CCDC146: variants seen among roughly 807,000 people sequenced by gnomAD.
The protein encoded by CCDC146 is coiled-coil domain containing 146.
In CCDC146, 92 loss-of-function variants were observed where a neutral mutation model predicts 119.3. That is an observed-to-expected ratio of 0.77 (90% CI 0.65 to 0.92). The LOEUF is 0.92. Ranked by LOEUF, CCDC146 falls within the 40% of genes least tolerant of loss-of-function variation. The probability of loss-of-function intolerance (pLI) is 0.00; values close to 1 mark genes in which losing one functional copy is unlikely to be tolerated. For synonymous variants in CCDC146, 372 were observed against 371.8 expected (o/e 1.00, Z -0.01); for missense variants, 1,000 against 1,103.0 (o/e 0.91, Z 1.32).
intron 2 of CCDC146, chr7:77,198,865 G>A (rs551459185): frequency 2.5e-6 from 1 of 397,522 alleles, no homozygotes; most frequent in African/African-American, 2.1e-5. Flanking sequence ...ACACCTCATT[G>A]AAGAGACAAG....
chr7:77,214,224 T>G (rs1477261002), intron 2 of CCDC146, among the ~76,000 whole-genome samples: 1 of 152,284 alleles, frequency 6.6e-6, no homozygotes, highest in South Asian at 2.1e-4. Context: ...CAAGCATTTT[T>G]TCATATGATT....
At chr7:77,230,544 G>A (rs1381693492) in intron 2 of CCDC146, among the ~76,000 whole-genome samples, 1 of 151,746 alleles carries the variant, frequency 6.6e-6, no homozygotes, top group East Asian at 1.9e-4. Flanking sequence ...CTTTAAATGT[G>A]TCAGCCACTG....
chr7:77,261,401 C>G (rs1315289668), intron 8 of CCDC146, among the ~76,000 whole-genome samples: 2 of 152,170 alleles, frequency 1.3e-5, no homozygotes, highest in East Asian at 3.8e-4. Context: ...CATTGGTTTG[C>G]TAAGGATAAT....
intron 4 of CCDC146, among the ~76,000 whole-genome samples, chr7:77,247,142 A>T (rs1478216642): frequency 6.6e-6 from 1 of 152,222 alleles, no homozygotes; most frequent in Non-Finnish European, 1.5e-5. Context: ...TAGGATTATA[A>T]TCTTTAAAAA....
rs149324287 is a variant in CCDC146 at position 77,168,509 on chromosome 7, T to C, written c.156+685T>C. On this transcript the variant is annotated intron_variant, in intron 2 of 18. Transcript: ENST00000285871. ...AACATTCTAAGAAATTTGATAGTCA[T>C]AGTAAAAAATAAGTTTAAAAAGTCT... 8.7e-3 allele frequency among the ~76,000 whole-genome samples: 1,322 copies of C among 152,146 alleles called. 67 individuals are homozygous for C. In the East Asian group the frequency reaches 0.14, roughly 16 times the overall value.
chr7:77,260,998 G>C (rs1271404031), intron 8 of CCDC146, among the ~76,000 whole-genome samples: 3 of 151,956 alleles, frequency 2.0e-5, no homozygotes, highest in Non-Finnish European at 4.4e-5. Flanking sequence ...TTATTTTTTT[G>C]GGGGGTGGGG....
chr7:77,281,413 C>T (rs10228274), intron 14 of CCDC146, among the ~76,000 whole-genome samples: 17,159 of 152,200 alleles, frequency 0.11, 1,081 homozygotes, highest in African/African-American at 0.16. Context: ...GCAGTTATAT[C>T]ATTAATCAAT....
At chr7:77,213,018 T>A (rs1792218771) in intron 2 of CCDC146, among the ~76,000 whole-genome samples, 1 of 151,746 alleles carries the variant, frequency 6.6e-6, no homozygotes, top group African/African-American at 2.4e-5. Context: ...TTTTTGTTGT[T>A]GTTCAAGTTT....
At chr7:77,195,999 A>G (rs564418740) in intron 2 of CCDC146, 167 of 346,442 alleles carry the variant, frequency 4.8e-4, no homozygotes, top group Non-Finnish European at 7.8e-4. Context: ...AAGCAATAGA[A>G]AAAGTTTCAA....
chr7:77,185,194 C>CA (rs1308732795), intron 2 of CCDC146, among the ~76,000 whole-genome samples: 1 of 151,936 alleles, frequency 6.6e-6, no homozygotes, highest in Non-Finnish European at 1.5e-5. Context: ...GGGAAGTGTC[C>CA]AGCCCATGGT....
intron 2 of CCDC146, among the ~76,000 whole-genome samples, chr7:77,218,264 T>C (rs1017493539): frequency 6.6e-6 from 1 of 151,116 alleles, no homozygotes; most frequent in Non-Finnish European, 1.5e-5. Context: ...ATAACCTTTG[T>C]AATTTATAAG....
chr7:77,223,959 G>A (rs770639396), intron 2 of CCDC146, among the ~76,000 whole-genome samples: 1 of 152,188 alleles, frequency 6.6e-6, no homozygotes, highest in African/African-American at 2.4e-5. Context: ...ACTTGAAGGA[G>A]CCACAGGTGG....
At chr7:77,191,571 C>T (rs1415985206) in intron 2 of CCDC146, among the ~76,000 whole-genome samples, 2 of 152,092 alleles carry the variant, frequency 1.3e-5, no homozygotes, top group African/African-American at 4.8e-5. Flanking sequence ...AGGAGAGGTG[C>T]CAGGACCCCA....
rs549461193 is a variant in CCDC146, at chr7:77,173,117, A to G, written c.156+5293A>G. On this transcript the variant is annotated intron_variant, in intron 2 of 18. Coordinates refer to ENST00000285871, the MANE Select transcript of CCDC146 (RefSeq NM_020879.3). ...TGGGGGCCGAGGGGAGGGAAATTAG[A>G]GGACAGGTCAATAGGTGCAGCAAAC... is the stretch of plus-strand genomic sequence containing the variant. 3.9e-5 allele frequency among the ~76,000 whole-genome samples: 6 copies of G among 152,290 alleles called. No individual in the cohort carries two copies. The South Asian group carries it at 1.2e-3, about 32-fold the overall frequency.
At chr7:77,125,285 G>C (rs1399556260) in intron 1 of CCDC146, among the ~76,000 whole-genome samples, 2 of 146,728 alleles carry the variant, frequency 1.4e-5, no homozygotes, top group Non-Finnish European at 1.5e-5. Flanking sequence ...AACATATCTT[G>C]ATATGGGAAA....
chr7:77,126,734 G>A (rs2539109), intron 1 of CCDC146, among the ~76,000 whole-genome samples: 3 of 152,068 alleles, frequency 2.0e-5, no homozygotes, highest in African/African-American at 7.3e-5. Flanking sequence ...TTTGGCCATC[G>A]TCTGCCCTGC....
At chr7:77,138,714 C>A (rs990169072) in intron 1 of CCDC146, among the ~76,000 whole-genome samples, 2 of 152,116 alleles carry the variant, frequency 1.3e-5, no homozygotes, top group African/African-American at 4.8e-5. Flanking sequence ...GGGCCAAAGA[C>A]CTTAACAAAA....
At chr7:77,294,450 C>T (rs1794006218) in intron 18 of CCDC146, among the ~76,000 whole-genome samples, 1 of 141,594 alleles carries the variant, frequency 7.1e-6, no homozygotes, top group African/African-American at 2.7e-5. Flanking sequence ...ACAGCCCATG[C>T]CAATGAGAGG....
At chr7:77,230,950 G>A (rs562319855) in intron 2 of CCDC146, among the ~76,000 whole-genome samples, 78 of 152,224 alleles carry the variant, frequency 5.1e-4, no homozygotes, top group African/African-American at 1.8e-3. Context: ...GCAATTTTAT[G>A]TTCTGCGATT....
Sources: gnomAD v4.1 joint callset for allele counts (sites outside exome capture counted in the v4.1 genomes callset) on GRCh38, gnomAD v4.1.1 for gene constraint, MANE v1.5 for transcripts, NCBI Gene and HGNC (gene_info 2026-07-23, HGNC 2026-07-21) for gene names.